Variants in PCDHA2 observed in about 807,000 individuals in gnomAD.
PCDHA2 encodes the protein protocadherin alpha 2.
A neutral mutation model predicts 66.0 loss-of-function variants in PCDHA2; 58 were observed. The observed-to-expected ratio is 0.88, with a 90% CI of 0.71 to 1.09. PCDHA2 has a LOEUF of 1.09. PCDHA2 is among the 50% of genes least tolerant of loss of function. The pLI, the probability that PCDHA2 is intolerant of heterozygous loss-of-function variation, is 0.00. For synonymous variants in PCDHA2, 634 were observed against 554.0 expected (o/e 1.14, Z -2.03); for missense variants, 1,267 against 1,242.3 (o/e 1.02, Z -0.30).
At chr5:140,862,361 ACCC>A in intron 1 of PCDHA2, 2 of 339,278 alleles carry the variant, frequency 5.9e-6, no homozygotes, top group South Asian at 4.8e-5. Context: ...GGGACAGACG[ACCC>A]GCACCCTGAC....
chr5:140,991,445 A>G (rs1352709310), intron 3 of PCDHA2, among the ~76,000 whole-genome samples: 1 of 152,222 alleles, frequency 6.6e-6, no homozygotes, highest in African/African-American at 2.4e-5. Flanking sequence ...CATGGCTTAA[A>G]ACAACACAAT....
intron 1 of PCDHA2, chr5:140,856,807 T>G: frequency 6.3e-7 from 1 of 1,594,936 alleles, no homozygotes; most frequent in African/African-American, 1.3e-5. Context: ...TGTATGAAAA[T>G]CAAGTGAACC....
intron 1 of PCDHA2, among the ~76,000 whole-genome samples, chr5:140,831,828 T>G (rs149132761): frequency 6.6e-6 from 1 of 152,292 alleles, no homozygotes; most frequent in Non-Finnish European, 1.5e-5. Flanking sequence ...TAAACACTAG[T>G]TTCAATGATA....
chr5:141,009,533 G>T (rs1410740655), intron 3 of PCDHA2, 94 bp from the exon 4 acceptor site: 1 of 1,509,328 alleles, frequency 6.6e-7, no homozygotes, highest in African/African-American at 1.4e-5. Context: ...GGGAGGTTCA[G>T]CCTGCCTATG....
intron 1 of PCDHA2, among the ~76,000 whole-genome samples, chr5:140,840,938 GA>G (rs1162522962): frequency 6.6e-6 from 1 of 151,908 alleles, no homozygotes; most frequent in Non-Finnish European, 1.5e-5. Flanking sequence ...TACGATATTT[GA>G]AATATTGGGA....
chr5:140,927,317 G>A lies in PCDHA2; in HGVS notation c.2389-51632G>A, dbSNP rs782172424. ...CCCGAGTTCCTGACGCCCGGAGCCCGCTTTACTCTCCCGAATGCCCAAGAT... is the reference window on the plus strand; with the variant it reads ...CCCGAGTTCCTGACGCCCGGAGCCCACTTTACTCTCCCGAATGCCCAAGAT... On this transcript the variant is annotated intron_variant, in intron 1 of 3. Coordinates refer to ENST00000526136, the MANE Select transcript of PCDHA2 (RefSeq NM_018905.3). 3.2e-5 allele frequency: 52 copies of A among 1,614,146 alleles called. 1 individual carries two copies. The South Asian group carries it at 5.2e-4, about 16-fold the overall frequency.
intron 1 of PCDHA2, among the ~76,000 whole-genome samples, chr5:140,973,915 A>T (rs1401328396): frequency 2.0e-5 from 3 of 152,242 alleles, no homozygotes; most frequent in African/African-American, 7.2e-5. Context: ...CATTCCTGTC[A>T]CCAAACCCAG....
chr5:140,803,759 T>C (rs1037330523), intron 1 of PCDHA2: 4 of 1,198,196 alleles, frequency 3.3e-6, no homozygotes, highest in Non-Finnish European at 4.6e-6. Flanking sequence ...TTGTTGCTAA[T>C]TTTTGAACCA....
At chr5:140,951,936 C>G (rs2153694375) in intron 1 of PCDHA2, among the ~76,000 whole-genome samples, 1 of 152,278 alleles carries the variant, frequency 6.6e-6, no homozygotes, top group Admixed American at 6.5e-5. Context: ...TCCCAAGATA[C>G]AGTGCGGGTA....
intron 1 of PCDHA2, chr5:140,850,256 C>G (rs781879208): frequency 1.9e-6 from 3 of 1,594,146 alleles, no homozygotes; most frequent in Non-Finnish European, 1.7e-6. Context: ...CGGTGGGCGC[C>G]GGCGTAGTGG....
Position 140,796,909 on chromosome 5 carries a change from G to T in PCDHA2, c.1945G>T (p.Val649Leu), listed in dbSNP as rs782163071. 1.9e-6 allele frequency: 3 copies of T among 1,613,930 alleles called. No homozygotes were observed. The highest frequency in any genetic ancestry group is 3.3e-5 in the Admixed American group (2 of 60,036). ...TGACTCCCCTCGACACCGCCTACTC[G>T]TGCTGGTGAAGGACCACGGCGAACC... ...EADSPRHRLL[V>L]LVKDHGEPAL... Residue 649 changes from valine (V) to leucine (L), a missense_variant, in exon 1 of 4, where the codon GTG (valine) becomes TTG (leucine). Val to Leu is a conservative substitution (Grantham distance 32). Coordinates refer to ENST00000526136, the MANE Select transcript of PCDHA2 (RefSeq NM_018905.3).
chr5:140,801,739 A>C, intron 1 of PCDHA2: 1 of 1,614,060 alleles, frequency 6.2e-7, no homozygotes, highest in Non-Finnish European at 8.5e-7. Flanking sequence ...TTTACCTTGG[A>C]CGTTAAAAGA....
chr5:140,996,785 C>G (rs1423473534), intron 3 of PCDHA2, among the ~76,000 whole-genome samples: 2 of 152,148 alleles, frequency 1.3e-5, no homozygotes, highest in Admixed American at 6.5e-5. Context: ...TAGTGCCTCA[C>G]TCCCTACATC....
chr5:140,935,405 A>G (rs1554210493), intron 1 of PCDHA2, among the ~76,000 whole-genome samples: 1 of 152,248 alleles, frequency 6.6e-6, no homozygotes, highest in Non-Finnish European at 1.5e-5. Context: ...GGACTCAAAC[A>G]ATGGACTTAG....
chr5:140,950,749 C>G (rs1202993675), intron 1 of PCDHA2, among the ~76,000 whole-genome samples: 5 of 152,002 alleles, frequency 3.3e-5, no homozygotes, highest in African/African-American at 4.8e-5. Flanking sequence ...TTCTCTCTAT[C>G]CTTTCTGGAC....
intron 1 of PCDHA2, among the ~76,000 whole-genome samples, chr5:140,845,167 T>C (rs954186731): frequency 6.7e-6 from 1 of 149,652 alleles, no homozygotes; most frequent in Non-Finnish European, 1.5e-5. Context: ...CGAATTGTTT[T>C]CATTTTAGTC....
At chr5:140,890,204 CT>C (rs1256018806) in intron 1 of PCDHA2, among the ~76,000 whole-genome samples, 2 of 151,984 alleles carry the variant, frequency 1.3e-5, no homozygotes, top group African/African-American at 4.8e-5. Context: ...TTTTGTTTTT[CT>C]TTTTTCCCAG....
At chr5:140,827,146 C>T (rs1245117168) in intron 1 of PCDHA2, among the ~76,000 whole-genome samples, 1 of 152,036 alleles carries the variant, frequency 6.6e-6, no homozygotes, top group Non-Finnish European at 1.5e-5. Flanking sequence ...AGAAGGGATG[C>T]AGATATGGAT....
chr5:140,869,516 A>G, intron 1 of PCDHA2: 2 of 1,614,226 alleles, frequency 1.2e-6, no homozygotes, highest in Non-Finnish European at 1.7e-6. Flanking sequence ...CTCAGAGAAC[A>G]AAAGCTGCTG....
Sources: gnomAD v4.1 joint callset for allele counts (sites outside exome capture counted in the v4.1 genomes callset) on GRCh38, gnomAD v4.1.1 for gene constraint, MANE v1.5 for transcripts, NCBI Gene and HGNC (gene_info 2026-07-23, HGNC 2026-07-21) for gene names.